SUCLG2: variants seen among roughly 807,000 people sequenced by gnomAD.
SUCLG2 encodes the protein succinate-CoA ligase GDP-forming subunit beta.
SUCLG2 carries 42 observed loss-of-function variants against 47.9 expected under a neutral mutation model. The observed-to-expected ratio is 0.88, with a 90% CI of 0.69 to 1.14. SUCLG2 has a LOEUF of 1.14. Among genes scored for constraint, SUCLG2 ranks in the 50% most tolerant of loss-of-function variants. The pLI is 0.00. For missense variants in SUCLG2, 571 were observed against 525.9 expected, an observed-to-expected ratio of 1.09 and a Z score of -0.84; for synonymous variants, 195 against 197.3, an observed-to-expected ratio of 0.99 and a Z score of 0.10.
Position 67,518,318 on chromosome 3 carries a change from C to G in SUCLG2, c.589G>C (p.Glu197Gln), listed in dbSNP as rs568663259. The change falls in exon 6 of 11, where the codon GAA becomes CAA. Residue 197 changes from glutamate to glutamine, a missense_variant. Transcript: ENST00000307227. ...TGAGCTTGGCTGTCCTTTATTCCTT[C>G]AAAAATGTCAATTTGCTCCTAGTAA... ...LIFKEQIDIF[E>Q]GIKDSQAQRM... 6.8e-6 allele frequency: 11 copies of G among 1,610,512 alleles called. No homozygotes were observed. The African/African-American group carries it at 1.3e-4, about 20-fold the overall frequency.
At chr3:67,629,626 T>C (rs1282666934) in intron 1 of SUCLG2, among the ~76,000 whole-genome samples, 2 of 152,032 alleles carry the variant, frequency 1.3e-5, no homozygotes, top group Non-Finnish European at 2.9e-5. Flanking sequence ...CTGAACTCAA[T>C]CTCCAGCCTC....
At chr3:67,627,548 T>A (rs976251689) in intron 1 of SUCLG2, among the ~76,000 whole-genome samples, 3 of 152,236 alleles carry the variant, frequency 2.0e-5, no homozygotes, top group Non-Finnish European at 4.4e-5. Context: ...CAAAATCTCC[T>A]TTCTAGGTGT....
At chr3:67,494,427 G>A (rs1025198428) in intron 9 of SUCLG2, among the ~76,000 whole-genome samples, 1 of 152,086 alleles carries the variant, frequency 6.6e-6, no homozygotes, top group African/African-American at 2.4e-5. Context: ...TTGAGGTCAC[G>A]AGTTTGAGAC....
chr3:67,516,899 A>ACCACCACTGCTAC (rs1269747556), intron 6 of SUCLG2, among the ~76,000 whole-genome samples: 2 of 152,192 alleles, frequency 1.3e-5, no homozygotes, highest in African/African-American at 4.8e-5. Context: ...GCTACAGGAG[A>ACCACCACTGCTAC]AGCCCCTTAA....
intron 2 of SUCLG2, among the ~76,000 whole-genome samples, chr3:67,589,759 A>G (rs1402077166): frequency 1.3e-5 from 2 of 152,184 alleles, no homozygotes; most frequent in East Asian, 1.9e-4. Context: ...CATACTCATG[A>G]GGCACCTCAC....
chr3:67,518,411 T>G (rs1345537907), intron 5 of SUCLG2, 75 bp from the exon 6 acceptor site: 95 of 1,386,106 alleles, frequency 6.9e-5, no homozygotes, highest in Non-Finnish European at 9.1e-5. Flanking sequence ...AGAAAATGCT[T>G]AGTATTTATT....
At chr3:67,588,591 T>C (rs939355266) in intron 2 of SUCLG2, among the ~76,000 whole-genome samples, 1 of 152,212 alleles carries the variant, frequency 6.6e-6, no homozygotes, top group Non-Finnish European at 1.5e-5. Flanking sequence ...TGAAGACATT[T>C]GGCACCTAAG....
rs199678386 is a variant in SUCLG2 at position 67,450,039 on chromosome 3, T to A, written c.1062+45759A>T. 1.8e-3 allele frequency among the ~76,000 whole-genome samples: 246 copies of A among 135,844 alleles called. 8 individuals are homozygous for A. The East Asian group carries it at 0.046, about 26-fold the overall frequency. 89.1% of individuals were successfully genotyped at this position (135,844 alleles called of 152,430 possible). A position where few individuals can be genotyped will look rare whatever the true frequency, so the allele number is the denominator to read the frequency against. ...AAATACAAAAAAACAGTATTTTTTT[T>A]AAAATTAACTAATTAATTTAGAGAC... is the stretch of plus-strand genomic sequence containing the variant. On this transcript the variant is annotated intron_variant, in intron 9 of 10. Transcript: ENST00000307227.
chr3:67,580,479 T>C lies in SUCLG2; in HGVS notation c.226+28976A>G, dbSNP rs373626851. On this transcript the variant is annotated intron_variant, in intron 2 of 10. Transcript: ENST00000307227. ...AGGAAAAGAGTGCTAAAAAGATAAA[T>C]ATAATGAAAGATACATCTTCAAAGT... 5.9e-5 allele frequency among the ~76,000 whole-genome samples: 9 copies of C among 152,282 alleles called. No individual in the cohort carries two copies. The East Asian group carries it at 1.7e-3, about 29-fold the overall frequency.
At chr3:67,485,705 G>A (rs751885348) in intron 9 of SUCLG2, among the ~76,000 whole-genome samples, 3 of 152,058 alleles carry the variant, frequency 2.0e-5, no homozygotes, top group Non-Finnish European at 4.4e-5. Context: ...GTGAAACAGC[G>A]ATCATTATTT....
At chr3:67,579,436 C>A (rs1707826842) in intron 2 of SUCLG2, among the ~76,000 whole-genome samples, 1 of 152,196 alleles carries the variant, frequency 6.6e-6, no homozygotes, top group South Asian at 2.1e-4. Context: ...TAACACCCTG[C>A]CCTTCAGAAC....
At chr3:67,432,236 TG>T (rs1461416058) in intron 9 of SUCLG2, among the ~76,000 whole-genome samples, 1 of 152,246 alleles carries the variant, frequency 6.6e-6, no homozygotes, top group Admixed American at 6.5e-5. Context: ...ATTGTTTTGC[TG>T]GTTTATTAAA....
At chr3:67,624,551 T>C (rs1007110933) in intron 1 of SUCLG2, among the ~76,000 whole-genome samples, 5 of 152,214 alleles carry the variant, frequency 3.3e-5, no homozygotes, top group African/African-American at 9.7e-5. Flanking sequence ...TTAAATTCCA[T>C]GGCCCTCCCC....
intron 2 of SUCLG2, among the ~76,000 whole-genome samples, chr3:67,537,744 C>T (rs910307168): frequency 1.3e-5 from 2 of 152,200 alleles, no homozygotes; most frequent in Non-Finnish European, 2.9e-5. Context: ...TATTTCCTGA[C>T]TTTTTAATGG....
chr3:67,396,576 C>T (rs542842436), intron 10 of SUCLG2, among the ~76,000 whole-genome samples: 104 of 152,176 alleles, frequency 6.8e-4, no homozygotes, highest in Admixed American at 1.8e-3. Flanking sequence ...GATTCACAGC[C>T]GAATTCTACC....
chr3:67,377,911 C>T (rs531064742), intron 10 of SUCLG2, among the ~76,000 whole-genome samples: 2 of 152,284 alleles, frequency 1.3e-5, no homozygotes, highest in Non-Finnish European at 2.9e-5. Flanking sequence ...GCCGTGGCCT[C>T]CCAAAATGCT....
At chr3:67,503,051 C>CT (rs1705541886) in intron 7 of SUCLG2, among the ~76,000 whole-genome samples, 1 of 152,158 alleles carries the variant, frequency 6.6e-6, no homozygotes, top group African/African-American at 2.4e-5. Context: ...TTATGAATAA[C>CT]AGATTGGAAC....
chr3:67,547,727 A>T (rs1207956176), intron 2 of SUCLG2, among the ~76,000 whole-genome samples: 1 of 152,210 alleles, frequency 6.6e-6, no homozygotes, highest in Non-Finnish European at 1.5e-5. Flanking sequence ...TCACGAATCA[A>T]CTAAATTAAC....
At chr3:67,549,701 TATG>T (rs1706960579) in intron 2 of SUCLG2, among the ~76,000 whole-genome samples, 2 of 152,152 alleles carry the variant, frequency 1.3e-5, no homozygotes, top group Admixed American at 1.3e-4. Flanking sequence ...AGTACATTGT[TATG>T]AGGGGGAAAA....
Sources: allele counts gnomAD v4.1 joint callset (sites outside exome capture counted in the v4.1 genomes callset), GRCh38; gene constraint gnomAD v4.1.1; transcripts MANE v1.5; gene names NCBI Gene and HGNC (gene_info 2026-07-23, HGNC 2026-07-21).